The following ANK3 variants were observed in gnomAD, a reference collection of about 807,000 sequenced individuals.
The protein encoded by ANK3 is ankyrin-3.
In ANK3, 57 loss-of-function variants were observed where a neutral mutation model predicts 370.9. The ratio of observed to expected loss-of-function variants is 0.15; its 90% confidence interval spans 0.12 to 0.19. The LOEUF is 0.19. ANK3 is among the 10% of genes least tolerant of loss of function. The pLI is 1.00. For missense variants in ANK3, 4,439 were observed against 5,302.1 expected (o/e 0.84, Z 5.06); for synonymous variants, 1,929 against 1,946.3 (o/e 0.99, Z 0.23).
At chr10:60,660,246 T>C (rs965966110) in intron 1 of ANK3, among the ~76,000 whole-genome samples, 3 of 152,158 alleles carry the variant, frequency 2.0e-5, no homozygotes, top group African/African-American at 7.2e-5. Context: ...AAATATTTCT[T>C]GAATATACAT....
At chr10:60,270,005 C>T in intron 5 of ANK3, 126 bp downstream of exon 5, 4 of 497,664 alleles carry the variant, frequency 8.0e-6, no homozygotes, top group Middle Eastern at 3.1e-4. Context: ...TTTCATAAAA[C>T]TTATGAACCC....
chr10:60,544,712 C>A (rs1031880733), intron 2 of ANK3, among the ~76,000 whole-genome samples: 9 of 152,074 alleles, frequency 5.9e-5, no homozygotes, highest in African/African-American at 2.2e-4. Context: ...TAGCCATATT[C>A]TCTCATTTAT....
chr10:60,220,700 G>A (rs957084232), intron 8 of ANK3, among the ~76,000 whole-genome samples: 3 of 152,088 alleles, frequency 2.0e-5, no homozygotes, highest in Admixed American at 6.5e-5. Context: ...TGTACATCTT[G>A]CATGTGTTGA....
intron 2 of ANK3, among the ~76,000 whole-genome samples, chr10:60,567,214 C>T (rs1264106190): frequency 6.6e-6 from 1 of 152,168 alleles, no homozygotes; most frequent in Non-Finnish European, 1.5e-5. Flanking sequence ...GTCACAACTA[C>T]AGAGAAGTCA....
intron 1 of ANK3, among the ~76,000 whole-genome samples, chr10:60,368,515 A>T (rs2059697190): frequency 6.6e-6 from 1 of 152,312 alleles, no homozygotes; most frequent in East Asian, 1.9e-4. Flanking sequence ...TGTATTGATC[A>T]TCTACGCCCT....
intron 17 of ANK3, among the ~76,000 whole-genome samples, chr10:60,186,097 T>C (rs1280564210): frequency 1.3e-5 from 2 of 152,158 alleles, no homozygotes; most frequent in African/African-American, 2.4e-5. Flanking sequence ...TAAAAACGGA[T>C]GAGCAAGGAG....
chr10:60,274,832 A>G (rs1441678040), intron 4 of ANK3, among the ~76,000 whole-genome samples: 1 of 152,208 alleles, frequency 6.6e-6, no homozygotes, highest in African/African-American at 2.4e-5. Flanking sequence ...TACAAATTTT[A>G]TGTCTCAAGA....
intron 25 of ANK3, among the ~76,000 whole-genome samples, chr10:60,119,546 C>A (rs564685614): frequency 4.9e-4 from 75 of 152,280 alleles, no homozygotes; most frequent in African/African-American, 1.7e-3. Flanking sequence ...GTGGGTGGAT[C>A]ACTTCAGGTC....
chr10:60,426,496 A>G (rs75495742), intron 2 of ANK3, among the ~76,000 whole-genome samples: 3 of 152,070 alleles, frequency 2.0e-5, no homozygotes, highest in African/African-American at 7.2e-5. Context: ...AATCCCAATA[A>G]TTTAGATTGA....
At position 60,071,103 on chromosome 10, in the gene ANK3, G is replaced by C. The variant is rs2082602401; in HGVS notation, c.9778C>G (p.Leu3260Val). Residue 3260 changes from leucine to valine, a missense_variant, in exon 37 of 44, where the codon CTG (leucine) becomes GTG (valine). Around this residue, in one of 13 missense-constraint regions of ANK3, gnomAD observed 1,601 missense variants for 1,731.7 expected, o/e 0.92. Coordinates refer to ENST00000280772, the MANE Select transcript of ANK3 (RefSeq NM_020987.5). The stretch of plus-strand genomic sequence containing the variant: ...TCTGACTCAATCTGGTCCGCATCCA[G>C]TGGTGGAGGAGGGGGAAATTCAATA... ...AYIEFPPPPP[L>V]DADQIESDKK... 2 of 1,614,142 alleles carry C rather than the reference G, an allele frequency of 1.2e-6. No individual in the cohort carries two copies. Among genetic ancestry groups the C allele is most frequent in the Non-Finnish European group, 1.7e-6 (2 of 1,180,016 alleles).
intron 2 of ANK3, among the ~76,000 whole-genome samples, chr10:60,601,127 G>T (rs2078055468): frequency 1.3e-5 from 2 of 151,246 alleles, no homozygotes; most frequent in African/African-American, 4.9e-5. Flanking sequence ...CACATGTCTT[G>T]CAAAGTTCAA....
At chr10:60,176,515 A>G (rs12777599) in intron 18 of ANK3, among the ~76,000 whole-genome samples, 1 of 152,060 alleles carries the variant, frequency 6.6e-6, no homozygotes, top group Admixed American at 6.6e-5. Flanking sequence ...TAATCCCAGC[A>G]CTTTTGGAGG....
intron 5 of ANK3, among the ~76,000 whole-genome samples, chr10:60,265,239 C>G (rs2097859941): frequency 6.6e-6 from 1 of 152,108 alleles, no homozygotes; most frequent in African/African-American, 2.4e-5. Flanking sequence ...CCTCATTGAC[C>G]ATTACCTCCT....
chr10:60,200,292 C>G (rs540068305), intron 12 of ANK3, 65 bp from the exon 13 acceptor site: 2 of 1,301,538 alleles, frequency 1.5e-6, no homozygotes, highest in Admixed American at 3.5e-5. Context: ...TTTTATTTGG[C>G]ATAAAGCTTA....
chr10:60,596,125 T>C (rs2077985229), intron 2 of ANK3, among the ~76,000 whole-genome samples: 1 of 152,170 alleles, frequency 6.6e-6, no homozygotes, highest in Non-Finnish European at 1.5e-5. Flanking sequence ...ATGTGGATTT[T>C]ACCCGACATG....
intron 1 of ANK3, among the ~76,000 whole-genome samples, chr10:60,647,299 A>G (rs139793412): frequency 4.9e-4 from 74 of 152,340 alleles, no homozygotes; most frequent in African/African-American, 1.7e-3. Flanking sequence ...GGTTGAAAAT[A>G]TACTTTTCTA....
At chr10:60,718,829 C>T (rs780204026) in intron 1 of ANK3, among the ~76,000 whole-genome samples, 4 of 152,106 alleles carry the variant, frequency 2.6e-5, no homozygotes, top group Non-Finnish European at 5.9e-5. Context: ...ACCAAATGTA[C>T]AACAAATGAT....
At chr10:60,494,213 ATTAC>A (rs2075596458) in intron 2 of ANK3, among the ~76,000 whole-genome samples, 1 of 152,222 alleles carries the variant, frequency 6.6e-6, no homozygotes, top group South Asian at 2.1e-4. Flanking sequence ...CAAGATTTCT[ATTAC>A]TTGAAGTGGA....
At chr10:60,138,805 T>C (rs1049850625) in intron 24 of ANK3, 159 bp downstream of exon 24, 4 of 843,830 alleles carry the variant, frequency 4.7e-6, no homozygotes, top group East Asian at 2.8e-5. Flanking sequence ...CAAAAGAAAA[T>C]AGCAGAGCAT....
Sources: gnomAD v4.1 joint callset for allele counts (sites outside exome capture counted in the v4.1 genomes callset) on GRCh38, gnomAD v4.1.1 for gene constraint, gnomAD v4.1.1 regional missense constraint, MANE v1.5 for transcripts, NCBI Gene and HGNC (gene_info 2026-07-23, HGNC 2026-07-21) for gene names.